Variants in DNAJC13 observed in about 807,000 individuals in gnomAD.
The protein encoded by DNAJC13 is dnaJ homolog subfamily C member 13.
In DNAJC13, 75 loss-of-function variants were observed where a neutral mutation model predicts 290.5. The ratio of observed to expected loss-of-function variants is 0.26; its 90% CI spans 0.21 to 0.31. The LOEUF is 0.31. Ranked by LOEUF, DNAJC13 falls within the 10% of genes least tolerant of loss-of-function variation. The pLI is 1.00. For missense variants in DNAJC13, 2,260 were observed against 2,674.5 expected, an observed-to-expected ratio of 0.85 and a Z score of 3.42; for synonymous variants, 862 against 892.0, an observed-to-expected ratio of 0.97 and a Z score of 0.60.
intron 1 of DNAJC13, among the ~76,000 whole-genome samples, chr3:132,431,496 A>C (rs73860732): frequency 0.011 from 1,609 of 152,296 alleles, 20 homozygotes; most frequent in African/African-American, 0.037. Context: ...GGTATAAGCC[A>C]TATAAATATC....
chr3:132,466,114 T>G (rs1421743300), intron 18 of DNAJC13, 44 bp downstream of exon 18: 2 of 1,526,244 alleles, frequency 1.3e-6, no homozygotes, highest in Non-Finnish European at 1.8e-6. Context: ...CTAATAAAAT[T>G]TAATTGAACA....
intron 1 of DNAJC13, among the ~76,000 whole-genome samples, chr3:132,429,023 G>A (rs1488976262): frequency 1.3e-5 from 2 of 152,154 alleles, no homozygotes; most frequent in African/African-American, 4.8e-5. Context: ...GTGAGCTACG[G>A]CGCCCAGCCA....
At chr3:132,492,336 C>T in intron 32 of DNAJC13, 78 bp from the exon 33 acceptor site, 1 of 1,367,280 alleles carries the variant, frequency 7.3e-7, no homozygotes. Flanking sequence ...ATGTAACTAT[C>T]TTACATGATT....
chr3:132,429,147 T>A (rs1939179683), intron 1 of DNAJC13, among the ~76,000 whole-genome samples: 1 of 152,274 alleles, frequency 6.6e-6, no homozygotes, highest in Non-Finnish European at 1.5e-5. Context: ...CTATGTTGAA[T>A]ATGGTAATTT....
intron 55 of DNAJC13, among the ~76,000 whole-genome samples, chr3:132,534,330 A>G (rs1936524312): frequency 6.6e-6 from 1 of 152,014 alleles, no homozygotes; most frequent in Non-Finnish European, 1.5e-5. Flanking sequence ...GTTGCTGGAA[A>G]TTTTTTCATC....
intron 17 of DNAJC13, 89 bp from the exon 18 acceptor site, chr3:132,465,906 A>G: frequency 2.6e-6 from 2 of 767,924 alleles, no homozygotes; most frequent in East Asian, 5.4e-5. Context: ...CGTATTTTTT[A>G]TAATTATGTG....
chr3:132,435,983 T>C (rs1050107611), intron 2 of DNAJC13, among the ~76,000 whole-genome samples: 10 of 152,202 alleles, frequency 6.6e-5, no homozygotes, highest in Admixed American at 6.5e-4. Context: ...TACAACTGTT[T>C]GTGTGCTCTT....
At chr3:132,428,412 T>A (rs1267248563) in intron 1 of DNAJC13, among the ~76,000 whole-genome samples, 1 of 152,214 alleles carries the variant, frequency 6.6e-6, no homozygotes, top group African/African-American at 2.4e-5. Flanking sequence ...AATATTACAC[T>A]GCCGGGAAAT....
In DNAJC13 at chr3:132,523,163, T is replaced by G; in HGVS notation, c.5850T>G (p.Phe1950Leu). 1 of 1,613,952 alleles carries G rather than the reference T, an allele frequency of 6.2e-7. No individual in the cohort carries two copies. Among genetic ancestry groups the G allele is most frequent in the East Asian group, 2.2e-5 (1 of 44,848 alleles). ...TTVREMMLEH[F>L]KNQQDNPEAN... ...ATCCCTTTTTTTCCCCAAGGCACTT[T>G]AAAAATCAGCAGGACAACCCTGAGG... The change falls in exon 50 of 56, where the codon TTT (phenylalanine) becomes TTG (leucine). Residue 1950 changes from phenylalanine (F) to leucine (L), a missense_variant. Around this residue, in one of 3 missense-constraint regions of DNAJC13, gnomAD observed 1,494 missense variants for 1,693.7 expected, o/e 0.88. Transcript: ENST00000260818.
chr3:132,436,313 C>T (rs1286161996), intron 2 of DNAJC13, among the ~76,000 whole-genome samples: 1 of 152,098 alleles, frequency 6.6e-6, no homozygotes, highest in Non-Finnish European at 1.5e-5. Context: ...ATACAAAATG[C>T]TGTATTTTCT....
chr3:132,417,864 G>C (rs7613607), intron 1 of DNAJC13, 104 bp downstream of exon 1: 2,924 of 152,944 alleles, frequency 0.019, 107 homozygotes, highest in African/African-American at 0.067. Context: ...GGTGGTCTTG[G>C]CTGCTGCAGC....
intron 41 of DNAJC13, among the ~76,000 whole-genome samples, 195 bp downstream of exon 41, chr3:132,503,576 G>A (rs1935491145): frequency 6.6e-6 from 1 of 152,144 alleles, no homozygotes; most frequent in Admixed American, 6.6e-5. Flanking sequence ...TTTTGCAAGG[G>A]CAAATTAACT....
chr3:132,476,649 C>G (rs1934482712), intron 22 of DNAJC13, among the ~76,000 whole-genome samples: 1 of 152,192 alleles, frequency 6.6e-6, no homozygotes, highest in Admixed American at 6.5e-5. Flanking sequence ...TCTTTTATCT[C>G]ATATCCTACT....
chr3:132,482,066 C>G (rs1934694490), intron 26 of DNAJC13, among the ~76,000 whole-genome samples, 160 bp from the exon 27 acceptor site: 1 of 152,060 alleles, frequency 6.6e-6, no homozygotes, highest in African/African-American at 2.4e-5. Context: ...GGCATTTTGT[C>G]CTAAACTCTT....
intron 16 of DNAJC13, 91 bp downstream of exon 16, chr3:132,462,614 G>C (rs1235859996): frequency 1.2e-6 from 1 of 853,668 alleles, no homozygotes; most frequent in African/African-American, 1.8e-5. Flanking sequence ...AGTCTTTTTG[G>C]GAAATAAACA....
intron 37 of DNAJC13, 66 bp from the exon 38 acceptor site, chr3:132,499,668 G>T (rs1044657119): frequency 9.1e-6 from 12 of 1,311,650 alleles, no homozygotes; most frequent in Admixed American, 1.8e-5. Flanking sequence ...TTTTATTACT[G>T]CTAGAAAAGG....
chr3:132,470,646 G>A (rs879371280), intron 20 of DNAJC13, among the ~76,000 whole-genome samples: 2,350 of 135,548 alleles, frequency 0.017, no homozygotes, highest in Middle Eastern at 0.057. Flanking sequence ...CCCGGACGGG[G>A]CGGCTGGCCG....
intron 31 of DNAJC13, among the ~76,000 whole-genome samples, chr3:132,489,488 TAAAA>T (rs57953440): frequency 1.4e-5 from 2 of 145,556 alleles, no homozygotes; most frequent in South Asian, 4.3e-4. Context: ...AGCTGGGAAT[TAAAA>T]AAAAAAAAAC....
At chr3:132,491,669 T>C (rs918288068) in intron 32 of DNAJC13, among the ~76,000 whole-genome samples, 1 of 152,134 alleles carries the variant, frequency 6.6e-6, no homozygotes, top group Non-Finnish European at 1.5e-5. Flanking sequence ...GACTTGATAC[T>C]TCATATTTCC....
Sources: allele counts gnomAD v4.1 joint callset (sites outside exome capture counted in the v4.1 genomes callset), GRCh38; gene constraint gnomAD v4.1.1; regional missense constraint gnomAD v4.1.1; transcripts MANE v1.5; gene names NCBI Gene and HGNC (gene_info 2026-07-23, HGNC 2026-07-21).